DACH2: variants seen among roughly 807,000 people sequenced by gnomAD.
The protein encoded by DACH2 is dachshund homolog 2.
DACH2 carries 17 observed loss-of-function variants against 35.8 expected under a neutral mutation model. That is an observed-to-expected ratio of 0.48 (90% CI 0.33 to 0.71). DACH2 has a LOEUF of 0.71. Ranked by LOEUF, DACH2 falls within the 30% of genes least tolerant of loss-of-function variation. The pLI, the probability that DACH2 is intolerant of heterozygous loss-of-function variation, is 0.02. For missense variants in DACH2, 469 were observed against 472.7 expected (o/e 0.99, Z 0.07); for synonymous variants, 195 against 177.3 (o/e 1.10, Z -0.79).
At chrX:86,200,630 T>C (rs1293921549) in intron 1 of DACH2, among the ~76,000 whole-genome samples, 2 of 70,977 alleles carry the variant, frequency 2.8e-5, no homozygotes, top group African/African-American at 5.4e-5. Context: ...GGACATGAAC[T>C]TTTCCAAAAA....
intron 4 of DACH2, among the ~76,000 whole-genome samples, chrX:86,653,818 C>T (rs975440250): frequency 9.2e-6 from 1 of 109,035 alleles, no homozygotes; most frequent in Non-Finnish European, 1.9e-5. Context: ...AGGTACCCAT[C>T]ACCACACCTG....
chrX:86,329,003 T>C (rs1281663515), intron 1 of DACH2, among the ~76,000 whole-genome samples: 4 of 111,448 alleles, frequency 3.6e-5, no homozygotes, highest in African/African-American at 1.3e-4. Context: ...AATAATAAAT[T>C]GCTTGATCAC....
chrX:86,785,055 A>T (rs2042123891), intron 7 of DACH2, among the ~76,000 whole-genome samples: 1 of 110,986 alleles, frequency 9.0e-6, no homozygotes, highest in African/African-American at 3.3e-5. Flanking sequence ...GGGTGAAATC[A>T]TCTGCACTCC....
chrX:86,628,899 A>G (rs1269738239), intron 3 of DACH2, among the ~76,000 whole-genome samples: 1 of 112,216 alleles, frequency 8.9e-6, no homozygotes, highest in South Asian at 3.7e-4. Context: ...ATATTCTCCT[A>G]CTGGCAGTTT....
intron 2 of DACH2, among the ~76,000 whole-genome samples, chrX:86,445,634 A>G (rs1329257031): frequency 1.9e-5 from 2 of 102,969 alleles, no homozygotes; most frequent in Non-Finnish European, 3.9e-5. Flanking sequence ...GTTATTAATG[A>G]GCATTTTTAC....
At chrX:86,464,840 T>TA (rs774803798) in intron 2 of DACH2, among the ~76,000 whole-genome samples, 1 of 111,747 alleles carries the variant, frequency 8.9e-6, no homozygotes, top group Non-Finnish European at 1.9e-5. Context: ...AGTCTCTCAA[T>TA]AAAAAAACAC....
At chrX:86,208,354 G>T (rs377045259) in intron 1 of DACH2, among the ~76,000 whole-genome samples, 2 of 111,023 alleles carry the variant, frequency 1.8e-5, no homozygotes, top group South Asian at 7.5e-4. Context: ...GAAGATCAGG[G>T]TTCATGGATT....
chrX:86,244,937 C>T (rs1035504477), intron 1 of DACH2, among the ~76,000 whole-genome samples: 7 of 111,379 alleles, frequency 6.3e-5, no homozygotes, highest in Non-Finnish European at 1.3e-4. Flanking sequence ...TAGAAAAATA[C>T]ATCTATCACC....
chrX:86,287,914 G>T (rs1458814216), intron 1 of DACH2, among the ~76,000 whole-genome samples: 1 of 111,833 alleles, frequency 8.9e-6, no homozygotes, highest in Non-Finnish European at 1.9e-5. Context: ...CATTTGGTGA[G>T]GTCATGTTTT....
intron 1 of DACH2, among the ~76,000 whole-genome samples, chrX:86,330,283 C>A (rs1368119987): frequency 8.9e-6 from 1 of 112,071 alleles, no homozygotes; most frequent in Admixed American, 9.5e-5. Flanking sequence ...CATCAAAAAT[C>A]TTGATTAACT....
At chrX:86,511,220 G>A (rs1181250321) in intron 2 of DACH2, among the ~76,000 whole-genome samples, 1 of 111,643 alleles carries the variant, frequency 9.0e-6, no homozygotes, top group African/African-American at 3.3e-5. Flanking sequence ...TCAGGTTCGT[G>A]TTCTTTAAAA....
At chrX:86,430,631 C>T (rs1223851724) in intron 2 of DACH2, among the ~76,000 whole-genome samples, 1 of 112,140 alleles carries the variant, frequency 8.9e-6, no homozygotes, top group East Asian at 2.8e-4. Flanking sequence ...AGGTCTTAGC[C>T]ATAAGGCCAT....
chrX:86,298,160 T>C (rs188105962), intron 1 of DACH2, among the ~76,000 whole-genome samples: 20 of 111,740 alleles, frequency 1.8e-4, no homozygotes, highest in African/African-American at 5.8e-4. Context: ...AATGTTTGAA[T>C]TGTAGTAGTG....
chrX:86,415,200 C>T (rs918137173), intron 2 of DACH2, among the ~76,000 whole-genome samples: 7 of 111,970 alleles, frequency 6.3e-5, no homozygotes, highest in Non-Finnish European at 9.4e-5. Flanking sequence ...AAAACTAAGA[C>T]ATAAAGCAAT....
chrX:86,270,183 A>G (rs1489965243), intron 1 of DACH2, among the ~76,000 whole-genome samples: 1 of 108,856 alleles, frequency 9.2e-6, no homozygotes, highest in Non-Finnish European at 1.9e-5. Flanking sequence ...TGTTTTGGTC[A>G]GAGTAAAGTT....
At chrX:86,799,774 G>A (rs1178925743) in intron 7 of DACH2, among the ~76,000 whole-genome samples, 1 of 111,906 alleles carries the variant, frequency 8.9e-6, no homozygotes, top group Non-Finnish European at 1.9e-5. Flanking sequence ...AATTTATTGG[G>A]TAAATCCTGG....
Position 86,333,070 on chromosome X carries a change from C to G in DACH2, c.489-43754C>G, listed in dbSNP as rs148722101. 6.9e-3 allele frequency among the ~76,000 whole-genome samples: 766 copies of G among 111,370 alleles called. 6 individuals carry two copies. Among genetic ancestry groups the G allele is most frequent in the African/African-American group, 0.024 (730 of 30,711 alleles). On this transcript the variant is annotated intron_variant, in intron 1 of 11. Transcript: ENST00000373125. ...ATAAAACAACAGTATAGAGACAGTA[C>G]CTTGTGATTTACTATATTCAAAATC... is the stretch of plus-strand genomic sequence containing the variant.
At chrX:86,816,243 A>G (rs2042451003) in intron 11 of DACH2, 144 bp downstream of exon 11, 1 of 341,890 alleles carries the variant, frequency 2.9e-6, no homozygotes, top group Non-Finnish European at 4.9e-6. Context: ...TTACTTTATG[A>G]CACAGGAAGC....
chrX:86,830,092 T>C (rs1306457018), intron 11 of DACH2: 2 of 111,957 alleles, frequency 1.8e-5, no homozygotes, highest in African/African-American at 6.5e-5. Context: ...ACTACTCCTC[T>C]CTGTTTATGG....
Sources: gnomAD v4.1 joint callset for allele counts (sites outside exome capture counted in the v4.1 genomes callset) on GRCh38, gnomAD v4.1.1 for gene constraint, MANE v1.5 for transcripts, NCBI Gene and HGNC (gene_info 2026-07-23, HGNC 2026-07-21) for gene names.